The following PIK3C3 variants were observed in gnomAD, a reference collection of about 807,000 sequenced individuals.
PIK3C3 encodes the protein PI3-kinase type 3.
PIK3C3 carries 95 observed loss-of-function variants against 126.1 expected under a neutral mutation model. That is an observed-to-expected ratio of 0.75 (90% CI 0.64 to 0.89). PIK3C3 has a LOEUF of 0.89. PIK3C3 is among the 40% of genes least tolerant of loss of function. The pLI is 0.00. For synonymous variants in PIK3C3, 374 were observed against 360.0 expected (o/e 1.04, Z -0.44); for missense variants, 829 against 1,063.2 (o/e 0.78, Z 3.06).
chr18:42,072,187 C>T (rs1393706536), intron 24 of PIK3C3, among the ~76,000 whole-genome samples: 3 of 151,984 alleles, frequency 2.0e-5, no homozygotes, highest in Non-Finnish European at 4.4e-5. Flanking sequence ...TATTGTTAAT[C>T]GATTTATGGT....
rs191485917 is a variant in PIK3C3 at position 42,011,899 on chromosome 18, G to A, written c.1171-1543G>A. Among the ~76,000 whole-genome samples, 466 of 152,236 alleles carry A rather than the reference G, an allele frequency of 3.1e-3. 4 individuals carry two copies. The highest frequency in any genetic ancestry group is 0.018 in the South Asian group (87 of 4,828). On this transcript the variant is annotated intron_variant, in intron 10 of 24. Coordinates refer to ENST00000262039, the MANE Select transcript of PIK3C3 (RefSeq NM_002647.4). Reference sequence around the variant, plus strand: ...AGGGAAGCCCTAGGAGAGGGAGAGAGACAGGGAAACGGCTGGTTGTTGGAT... The same window carrying A: ...AGGGAAGCCCTAGGAGAGGGAGAGAAACAGGGAAACGGCTGGTTGTTGGAT...
intron 23 of PIK3C3, 138 bp from the exon 24 acceptor site, chr18:42,067,250 T>C (rs932620307): frequency 2.8e-6 from 2 of 725,656 alleles, no homozygotes; most frequent in African/African-American, 3.5e-5. Context: ...CCATTCAGAA[T>C]TCTAATAAGT....
rs1986421433 is a variant in PIK3C3, at chr18:42,087,432, T to G, written c.*6295T>G. 1.3e-5 allele frequency: 2 copies of G among 152,236 alleles called. No individual in the cohort carries two copies. Among genetic ancestry groups the G allele is most frequent in the Non-Finnish European group, 1.5e-5 (1 of 68,062 alleles). 9.4% of individuals were successfully genotyped at this position (152,236 alleles called of 1,614,324 possible). ...GGCTTTCCAGTTGATTGGGTCCATC[T>G]TGTGTAACACGTGGCTGGCAGAGAA... On this transcript the variant is annotated 3_prime_UTR_variant, in exon 25 of 25. Transcript: ENST00000262039.
At chr18:41,983,343 C>T (rs1981301581) in intron 4 of PIK3C3, among the ~76,000 whole-genome samples, 2 of 151,202 alleles carry the variant, frequency 1.3e-5, no homozygotes, top group Admixed American at 6.6e-5. Context: ...GAAGAGTGAC[C>T]AAGGGCAGGA....
chr18:41,990,464 A>T lies in PIK3C3; in HGVS notation c.624A>T (p.Glu208Asp). The T allele has an allele frequency of 6.4e-7, 1 of 1,572,898 alleles. No homozygotes were observed. The highest frequency in any genetic ancestry group is 8.7e-7 in the Non-Finnish European group (1 of 1,143,902). The stretch of plus-strand genomic sequence containing the variant: ...AAAATCATTTTTTTTTTCAGAGTGA[A>T]AAACGAAGTTCTAATTTCATGTACC... Reference protein sequence around the residue: ...FREIEMINESEKRSSNFMYLM... With the variant: ...FREIEMINESDKRSSNFMYLM... The change falls in exon 6 of 25, where the codon GAA (glutamate) becomes GAT (aspartate). Residue 208 changes from glutamate (E) to aspartate (D), a missense_variant. Physicochemically the swap from Glu to Asp is conservative, Grantham distance 45 (BLOSUM62 2). This residue lies in a region of PIK3C3 where 313 missense variants were observed against 340.7 expected (regional missense o/e 0.92). Coordinates refer to ENST00000262039, the MANE Select transcript of PIK3C3 (RefSeq NM_002647.4).
At chr18:41,990,345 T>G (rs1482095698) in intron 5 of PIK3C3, 114 bp from the exon 6 acceptor site, 2 of 663,108 alleles carry the variant, frequency 3.0e-6, no homozygotes, top group African/African-American at 3.7e-5. Context: ...TGTTATGTTT[T>G]GACTTGTATT....
chr18:42,081,053 T>C (rs1274165803), intron 24 of PIK3C3, 70 bp from the exon 25 acceptor site: 1 of 895,902 alleles, frequency 1.1e-6, no homozygotes, highest in Non-Finnish European at 1.8e-6. Context: ...TTTAAAACTA[T>C]AGACTATTGT....
At chr18:41,984,509 G>A (rs969882535) in intron 4 of PIK3C3, among the ~76,000 whole-genome samples, 57 of 152,034 alleles carry the variant, frequency 3.7e-4, no homozygotes, top group Non-Finnish European at 6.6e-4. Flanking sequence ...AGCAGTAAAG[G>A]TAAACGGCTT....
intron 15 of PIK3C3, among the ~76,000 whole-genome samples, chr18:42,033,605 C>G (rs1983920633): frequency 1.3e-5 from 2 of 152,198 alleles, no homozygotes; most frequent in African/African-American, 4.8e-5. Context: ...AAAAGTCCAA[C>G]TTTCACAGTC....
At chr18:42,046,531 A>G (rs1417768307) in intron 20 of PIK3C3, among the ~76,000 whole-genome samples, 1 of 152,098 alleles carries the variant, frequency 6.6e-6, no homozygotes, top group South Asian at 2.1e-4. Context: ...CAATTTCAAG[A>G]TGTTTTGTAT....
chr18:42,032,801 T>C (rs1983890525), intron 15 of PIK3C3, among the ~76,000 whole-genome samples: 2 of 152,176 alleles, frequency 1.3e-5, no homozygotes, highest in Non-Finnish European at 2.9e-5. Flanking sequence ...GTAACACTTA[T>C]GTAGAAATTC....
intron 12 of PIK3C3, among the ~76,000 whole-genome samples, chr18:42,018,842 T>A (rs1490671720): frequency 6.6e-6 from 1 of 152,144 alleles, no homozygotes; most frequent in Non-Finnish European, 1.5e-5. Flanking sequence ...TTACCTACTT[T>A]CGCTATGCCT....
At chr18:42,064,175 T>G (rs985808830) in intron 22 of PIK3C3, among the ~76,000 whole-genome samples, 3 of 152,220 alleles carry the variant, frequency 2.0e-5, no homozygotes, top group Admixed American at 2.0e-4. Flanking sequence ...TTGCCCATTT[T>G]TAATGCAGCA....
chr18:42,008,141 A>G (rs780906297), intron 10 of PIK3C3, among the ~76,000 whole-genome samples: 1 of 152,102 alleles, frequency 6.6e-6, no homozygotes, highest in East Asian at 1.9e-4. Context: ...ATAAATCTCA[A>G]TACTGTCTGA....
intron 2 of PIK3C3, among the ~76,000 whole-genome samples, chr18:41,960,347 G>C (rs1347325915): frequency 2.0e-5 from 3 of 152,136 alleles, no homozygotes; most frequent in Admixed American, 6.5e-5. Context: ...ACATTTTTAA[G>C]AACACTTATA....
chr18:41,972,606 A>T (rs1159365510), intron 4 of PIK3C3, among the ~76,000 whole-genome samples: 1 of 152,084 alleles, frequency 6.6e-6, no homozygotes, highest in Non-Finnish European at 1.5e-5. Context: ...AATGGAGTGG[A>T]GACATCTGAG....
chr18:42,066,645 A>G (rs1420041625), intron 23 of PIK3C3, among the ~76,000 whole-genome samples: 2 of 152,302 alleles, frequency 1.3e-5, no homozygotes, highest in African/African-American at 4.8e-5. Context: ...TGCATGTATA[A>G]TATTTGGCAT....
chr18:41,997,714 CTG>C (rs1219654212), intron 9 of PIK3C3, among the ~76,000 whole-genome samples: 1 of 152,126 alleles, frequency 6.6e-6, no homozygotes, highest in African/African-American at 2.4e-5. Context: ...ATTATTGTAA[CTG>C]TTCTACAGGT....
At chr18:42,067,012 T>A (rs943812755) in intron 23 of PIK3C3, among the ~76,000 whole-genome samples, 7 of 152,142 alleles carry the variant, frequency 4.6e-5, no homozygotes, top group Non-Finnish European at 1.0e-4. Context: ...TAAAGTGGAT[T>A]ATTAATAAAC....
Sources: gnomAD v4.1 joint callset for allele counts (sites outside exome capture counted in the v4.1 genomes callset) on GRCh38, gnomAD v4.1.1 for gene constraint, gnomAD v4.1.1 regional missense constraint, MANE v1.5 for transcripts, NCBI Gene and HGNC (gene_info 2026-07-23, HGNC 2026-07-21) for gene names.